Variants in PAFAH1B1 observed in about 807,000 individuals in gnomAD.
PAFAH1B1 encodes platelet-activating factor acetylhydrolase IB subunit beta.
Under a neutral mutation model 57.5 loss-of-function variants are expected in PAFAH1B1, and 2 were observed. The observed-to-expected ratio is 0.03, with a 90% CI of 0.01 to 0.11. The LOEUF (loss-of-function observed/expected upper bound fraction) is 0.11, where lower values mean the gene tolerates loss of function less well. PAFAH1B1 is among the 10% of genes least tolerant of loss of function. The pLI is 1.00. For synonymous variants in PAFAH1B1, 152 were observed against 169.6 expected (o/e 0.90, Z 0.81); for missense variants, 257 against 512.0 (o/e 0.50, Z 4.81).
chr17:2,674,309 T>G, intron 8 of PAFAH1B1, 21 bp downstream of exon 8: 24 of 1,552,484 alleles, frequency 1.5e-5, no homozygotes, highest in Non-Finnish European at 1.8e-5. Flanking sequence ...TACAAATGTC[T>G]TCATGGTTTT....
intron 1 of PAFAH1B1, among the ~76,000 whole-genome samples, chr17:2,631,547 C>T (rs1019508083): frequency 6.6e-6 from 1 of 152,164 alleles, no homozygotes; most frequent in African/African-American, 2.4e-5. Context: ...CTGCTGCATC[C>T]TCTATCCCTG....
intron 2 of PAFAH1B1, 140 bp downstream of exon 2, chr17:2,638,460 G>T: frequency 2.8e-6 from 2 of 704,374 alleles, no homozygotes; most frequent in East Asian, 2.7e-5. Flanking sequence ...AGGCAGTTTG[G>T]TCTGATTTTA....
chr17:2,646,329 A>G (rs1463164939), intron 2 of PAFAH1B1, among the ~76,000 whole-genome samples: 1 of 152,366 alleles, frequency 6.6e-6, no homozygotes, highest in Non-Finnish European at 1.5e-5. Context: ...AATGAACTTT[A>G]TAGGAATGAG....
At chr17:2,616,714 A>G (rs1307103325) in intron 1 of PAFAH1B1, among the ~76,000 whole-genome samples, 1 of 152,208 alleles carries the variant, frequency 6.6e-6, no homozygotes, top group East Asian at 1.9e-4. Context: ...AAAATTAACC[A>G]TCACAAGACT....
intron 4 of PAFAH1B1, 64 bp downstream of exon 4, chr17:2,666,154 ATTC>A: frequency 8.1e-7 from 1 of 1,230,354 alleles, no homozygotes; most frequent in Non-Finnish European, 1.1e-6. Flanking sequence ...TGAAAATAAC[ATTC>A]TTCTGCATTA....
chr17:2,679,167 A>G (rs1162525666), intron 9 of PAFAH1B1, among the ~76,000 whole-genome samples: 1 of 152,246 alleles, frequency 6.6e-6, no homozygotes, highest in African/African-American at 2.4e-5. Flanking sequence ...CTTTGTAGCA[A>G]ACCTTTAATT....
At chr17:2,652,811 C>G (rs2068881249) in intron 2 of PAFAH1B1, among the ~76,000 whole-genome samples, 1 of 152,192 alleles carries the variant, frequency 6.6e-6, no homozygotes, top group Non-Finnish European at 1.5e-5. Flanking sequence ...CACTTTTGCA[C>G]TGTTGGTGGG....
At position 2,676,944 on chromosome 17, in the gene PAFAH1B1, C is replaced by T. The variant is rs1489655506; in HGVS notation, c.1002+338C>T. Among the ~76,000 whole-genome samples, 4 of 152,046 alleles carry T rather than the reference C, an allele frequency of 2.6e-5. No individual in the cohort carries two copies. The East Asian group carries it at 5.8e-4, about 22-fold the overall frequency. On this transcript the variant is annotated intron_variant, in intron 9 of 10. Transcript: ENST00000397195. ...TTGGGAGGCCGAGGCGGGTGGATCA[C>T]GAGGTCAGGAGATCGAGCTAACTTG...
chr17:2,647,261 C>T (rs2068781736), intron 2 of PAFAH1B1, among the ~76,000 whole-genome samples: 1 of 151,966 alleles, frequency 6.6e-6, no homozygotes, highest in Non-Finnish European at 1.5e-5. Context: ...GAGGGAGGTG[C>T]GAGCTGAGGC....
chr17:2,614,923 A>G (rs949521800), intron 1 of PAFAH1B1, among the ~76,000 whole-genome samples: 3 of 152,192 alleles, frequency 2.0e-5, no homozygotes, highest in African/African-American at 7.2e-5. Flanking sequence ...GTGACCCACA[A>G]TCTTGAAAAT....
intron 1 of PAFAH1B1, among the ~76,000 whole-genome samples, chr17:2,602,626 G>A (rs2068157964): frequency 6.6e-6 from 1 of 151,974 alleles, no homozygotes; most frequent in Admixed American, 6.6e-5. Context: ...ATTCAGTCTT[G>A]TCCGGTTAAC....
At chr17:2,678,851 C>T (rs1441064312) in intron 9 of PAFAH1B1, among the ~76,000 whole-genome samples, 1 of 152,240 alleles carries the variant, frequency 6.6e-6, no homozygotes, top group East Asian at 1.9e-4. Context: ...TGCCACTATA[C>T]TCCAGCCTGG....
chr17:2,609,799 C>T (rs1167624366), intron 1 of PAFAH1B1, among the ~76,000 whole-genome samples: 6 of 152,010 alleles, frequency 3.9e-5, no homozygotes, highest in African/African-American at 9.7e-5. Flanking sequence ...CATGAGCCAC[C>T]GCGCCCGGCT....
At chr17:2,603,089 C>T (rs1298650926) in intron 1 of PAFAH1B1, among the ~76,000 whole-genome samples, 2 of 152,230 alleles carry the variant, frequency 1.3e-5, no homozygotes, top group African/African-American at 4.8e-5. Flanking sequence ...TGATTCTACT[C>T]CTGCTGTCCT....
chr17:2,628,157 G>A (rs532544427), intron 1 of PAFAH1B1, among the ~76,000 whole-genome samples: 18 of 152,252 alleles, frequency 1.2e-4, no homozygotes, highest in African/African-American at 4.1e-4. Flanking sequence ...TCTTGTTCGA[G>A]TTCTCAGAGG....
chr17:2,635,152 T>A (rs2068605817), intron 1 of PAFAH1B1, among the ~76,000 whole-genome samples: 1 of 148,344 alleles, frequency 6.7e-6, no homozygotes, highest in Non-Finnish European at 1.5e-5. Flanking sequence ...AGAGTGAAAC[T>A]CTGTCTCAAA....
At chr17:2,613,043 A>T (rs1461289104) in intron 1 of PAFAH1B1, among the ~76,000 whole-genome samples, 1 of 46,022 alleles carries the variant, frequency 2.2e-5, no homozygotes, top group African/African-American at 2.4e-4. Context: ...AATAATTTGT[A>T]AAAAAAAAAA....
intron 1 of PAFAH1B1, among the ~76,000 whole-genome samples, chr17:2,620,129 A>T (rs2068400179): frequency 6.6e-6 from 1 of 152,146 alleles, no homozygotes; most frequent in Non-Finnish European, 1.5e-5. Context: ...GATTTTTAGT[A>T]TATTCAGAAG....
In PAFAH1B1 at chr17:2,674,160, G is replaced by C. The variant is rs2069228285; in HGVS notation, c.772G>C (p.Val258Leu). 6.2e-7 allele frequency: 1 copy of C among 1,614,090 alleles called. No individual in the cohort carries two copies. Among genetic ancestry groups the C allele is most frequent in the South Asian group, 1.1e-5 (1 of 91,078 alleles). ...AGCCAGCTGTTCCAATGACCAGACT[G>C]TGCGTGTATGGGTCGTAGCAACAAA... Reference protein sequence around the residue: ...LIASCSNDQTVRVWVVATKEC... With the variant: ...LIASCSNDQTLRVWVVATKEC... The change falls in exon 8 of 11, where the codon GTG (valine) becomes CTG (leucine). Residue 258 changes from valine to leucine, a missense_variant. By Grantham distance (32) the Val-to-Leu change is conservative. Coordinates refer to ENST00000397195, the MANE Select transcript of PAFAH1B1 (RefSeq NM_000430.4).
Sources: allele counts gnomAD v4.1 joint callset (sites outside exome capture counted in the v4.1 genomes callset), GRCh38; gene constraint gnomAD v4.1.1; transcripts MANE v1.5; gene names NCBI Gene and HGNC (gene_info 2026-07-23, HGNC 2026-07-21).